The following TTC13 variants were observed in gnomAD, a reference collection of about 807,000 sequenced individuals.
TTC13 encodes tetratricopeptide repeat domain 13, also known as tetratricopeptide repeat protein 13.
In TTC13, 62 loss-of-function variants were observed where a neutral mutation model predicts 120.0. The observed-to-expected ratio is 0.52, with a 90% confidence interval of 0.42 to 0.64. The LOEUF (loss-of-function observed/expected upper bound fraction) is 0.64, where lower values mean the gene tolerates loss of function less well. Ranked by LOEUF, TTC13 falls within the 30% of genes least tolerant of loss-of-function variation. The pLI, the probability that TTC13 is intolerant of heterozygous loss-of-function variation, is 0.00. For synonymous variants in TTC13, 384 were observed against 393.5 expected (o/e 0.98, Z 0.28); for missense variants, 824 against 1,050.2 (o/e 0.78, Z 2.98).
intron 4 of TTC13, among the ~76,000 whole-genome samples, chr1:230,948,400 C>CAAAAAAAAAA (rs57051929): frequency 2.8e-4 from 27 of 96,546 alleles, no homozygotes; most frequent in Non-Finnish European, 4.9e-4. Flanking sequence ...ACTCACAATA[C>CAAAAAAAAAA]AAAAAAAAAA....
chr1:230,918,008 G>C (rs115536055), intron 17 of TTC13, among the ~76,000 whole-genome samples: 2,611 of 152,272 alleles, frequency 0.017, 79 homozygotes, highest in African/African-American at 0.06. Context: ...GGACAGTTGG[G>C]AGCCAAGATT....
intron 19 of TTC13, among the ~76,000 whole-genome samples, chr1:230,911,847 C>T (rs186414480): frequency 6.6e-6 from 1 of 152,106 alleles, no homozygotes; most frequent in Non-Finnish European, 1.5e-5. Context: ...TATATTGTGA[C>T]TAAAATTTTA....
At chr1:230,958,536 A>G (rs1046507638) in intron 2 of TTC13, among the ~76,000 whole-genome samples, 85 of 152,318 alleles carry the variant, frequency 5.6e-4, no homozygotes, top group African/African-American at 2.0e-3. Context: ...GGGAGCTTCC[A>G]CACCTGGAAC....
At position 230,909,882 on chromosome 1, in the gene TTC13, G is replaced by A. The variant is rs116462132; in HGVS notation, c.2310-862C>T. ...CACTCCAGAACGAGTGTAGAGCTGCGAGTGTGCAGGTCTGGGGTAGGAGGC... is the reference window on the plus strand; with the variant it reads ...CACTCCAGAACGAGTGTAGAGCTGCAAGTGTGCAGGTCTGGGGTAGGAGGC... On this transcript the variant is annotated intron_variant, in intron 20 of 22. Coordinates refer to ENST00000366661, the MANE Select transcript of TTC13 (RefSeq NM_024525.5). 3.5e-4 allele frequency among the ~76,000 whole-genome samples: 54 copies of A among 152,248 alleles called. 1 individual carries two copies. Among genetic ancestry groups the A allele is most frequent in the African/African-American group, 1.2e-3 (50 of 41,534 alleles).
intron 21 of TTC13, 40 bp downstream of exon 21, chr1:230,908,902 A>G: frequency 1.2e-6 from 2 of 1,611,698 alleles, no homozygotes; most frequent in Non-Finnish European, 1.7e-6. Flanking sequence ...TTGGGACTTA[A>G]TACATAACCA....
intron 18 of TTC13, among the ~76,000 whole-genome samples, chr1:230,913,721 G>A (rs1671729072): frequency 6.6e-6 from 1 of 152,206 alleles, no homozygotes; most frequent in Admixed American, 6.5e-5. Flanking sequence ...ATCTAATTTG[G>A]ACAACATAGA....
intron 1 of TTC13, among the ~76,000 whole-genome samples, chr1:230,969,357 A>G (rs1165605712): frequency 6.6e-6 from 1 of 152,240 alleles, no homozygotes; most frequent in Non-Finnish European, 1.5e-5. Flanking sequence ...TTTAAGAGAT[A>G]GTGGGAGAAT....
At position 230,978,172 on chromosome 1, in the gene TTC13, C is replaced by A. The variant is rs1460733985; in HGVS notation, c.271+388G>T. Among the ~76,000 whole-genome samples, 1 of 152,130 alleles carries A rather than the reference C, an allele frequency of 6.6e-6. No individual in the cohort carries two copies. Among genetic ancestry groups the A allele is most frequent in the South Asian group, 2.1e-4 (1 of 4,826 alleles). ...TCCGCAAGCCGCCGGGCTGGTTGCT[C>A]GTCCGCCCGCCCCTCCCTCGCCCCT... On this transcript the variant is annotated intron_variant, in intron 1 of 22. Coordinates refer to ENST00000366661, the MANE Select transcript of TTC13 (RefSeq NM_024525.5). This position sits in a 1 kb window ranked among gnomAD's most constrained non-coding sequence, Gnocchi z 5.6.
intron 12 of TTC13, 35 bp from the exon 13 acceptor site, chr1:230,925,682 T>C (rs1177195176): frequency 6.2e-7 from 1 of 1,610,912 alleles, no homozygotes; most frequent in Non-Finnish European, 8.5e-7. Flanking sequence ...TAAGGACTTT[T>C]ACAACAGACA....
intron 3 of TTC13, among the ~76,000 whole-genome samples, chr1:230,957,359 G>A (rs545652120): frequency 5.3e-5 from 8 of 152,220 alleles, no homozygotes; most frequent in African/African-American, 1.7e-4. Flanking sequence ...AAGATCATTC[G>A]AGCCTAGTTT....
intron 4 of TTC13, among the ~76,000 whole-genome samples, chr1:230,952,318 G>A (rs1055399476): frequency 1.6e-4 from 24 of 152,154 alleles, no homozygotes; most frequent in Non-Finnish European, 2.9e-4. Flanking sequence ...GGGAAGCACT[G>A]AGATAAAGGG....
rs1323208876 is a variant in TTC13, at chr1:230,908,756, T to C, written c.2424A>G (p.Ser808=). ...TTTTGGCGACTTTGCTAAAGGCCTC[T>C]GAACCAGGGGCTGTCATAGCTTCAA... ...VDFEAMTAPG[S]EAFSKVAKSW... The change falls in exon 22 of 23, where the codon TCA becomes TCG. Residue 808 remains serine, a synonymous_variant. Transcript: ENST00000366661. 6.2e-7 allele frequency: 1 copy of C among 1,613,690 alleles called. No homozygotes were observed. Among genetic ancestry groups the C allele is most frequent in the Non-Finnish European group, 8.5e-7 (1 of 1,179,698 alleles).
chr1:230,956,665 T>G, intron 3 of TTC13: 1 of 247,592 alleles, frequency 4.0e-6, no homozygotes, highest in South Asian at 3.9e-5. Context: ...CACATCTAAG[T>G]GATTGAATTC....
intron 9 of TTC13, among the ~76,000 whole-genome samples, chr1:230,932,325 C>T (rs1055340361): frequency 4.0e-5 from 6 of 148,878 alleles, no homozygotes; most frequent in African/African-American, 1.5e-4. Flanking sequence ...ACCAAAGTTG[C>T]TTTGCTTAAA....
intron 1 of TTC13, among the ~76,000 whole-genome samples, chr1:230,969,174 A>G (rs2102995713): frequency 6.6e-6 from 1 of 152,192 alleles, no homozygotes; most frequent in South Asian, 2.1e-4. Flanking sequence ...AGGCAGGAGA[A>G]TGGCGTGAAC....
At chr1:230,959,539 C>G (rs1483229523) in intron 2 of TTC13, among the ~76,000 whole-genome samples, 1 of 152,112 alleles carries the variant, frequency 6.6e-6, no homozygotes, top group African/African-American at 2.4e-5. Flanking sequence ...GCGCCACCAC[C>G]CCTGCTAATT....
chr1:230,952,731 T>A (rs1675707478), intron 4 of TTC13, among the ~76,000 whole-genome samples: 1 of 152,188 alleles, frequency 6.6e-6, no homozygotes, highest in Non-Finnish European at 1.5e-5. Context: ...AGAAAAATAC[T>A]GATAAACATT....
At chr1:230,917,818 T>C (rs1672182307) in intron 17 of TTC13, among the ~76,000 whole-genome samples, 1 of 152,240 alleles carries the variant, frequency 6.6e-6, no homozygotes, top group Non-Finnish European at 1.5e-5. Flanking sequence ...TGACGTTGTA[T>C]TCTGCCTAAT....
At chr1:230,934,311 G>A (rs1355532670) in intron 8 of TTC13, among the ~76,000 whole-genome samples, 2 of 152,076 alleles carry the variant, frequency 1.3e-5, no homozygotes, top group East Asian at 1.9e-4. Flanking sequence ...AAAGCCCAAT[G>A]TGAAACTGTT....
Sources: allele counts gnomAD v4.1 joint callset (sites outside exome capture counted in the v4.1 genomes callset), GRCh38; gene constraint gnomAD v4.1.1; non-coding constraint Gnocchi (gnomAD v3.1); transcripts MANE v1.5; gene names NCBI Gene and HGNC (gene_info 2026-07-23, HGNC 2026-07-21).